FOXP2: variants seen among roughly 807,000 people sequenced by gnomAD.
FOXP2 encodes the protein forkhead box protein P2.
FOXP2 carries 12 observed loss-of-function variants against 115.8 expected under a neutral mutation model. The observed-to-expected ratio is 0.10, with a 90% CI of 0.07 to 0.17. The LOEUF (loss-of-function observed/expected upper bound fraction) is 0.17. Ranked by LOEUF, FOXP2 falls within the 10% of genes least tolerant of loss-of-function variation. The pLI is 1.00. For missense variants in FOXP2, 629 were observed against 843.5 expected, an observed-to-expected ratio of 0.75 and a Z score of 3.15; for synonymous variants, 328 against 297.7, an observed-to-expected ratio of 1.10 and a Z score of -1.05.
At chr7:114,388,459 T>C (rs1388232599) in intron 2 of FOXP2, among the ~76,000 whole-genome samples, 2 of 151,946 alleles carry the variant, frequency 1.3e-5, no homozygotes, top group Non-Finnish European at 2.9e-5. Context: ...AGAAAGTAGA[T>C]TGTTGAATTG....
intron 2 of FOXP2, among the ~76,000 whole-genome samples, chr7:114,435,438 A>G (rs1279244652): frequency 1.3e-5 from 2 of 152,208 alleles, no homozygotes; most frequent in Non-Finnish European, 2.9e-5. Context: ...GATGCACTTC[A>G]TACAAAGACT....
chr7:114,663,925 CTTTAT>C (rs928562033), intron 15 of FOXP2, among the ~76,000 whole-genome samples: 3 of 152,028 alleles, frequency 2.0e-5, no homozygotes, highest in African/African-American at 4.8e-5. Context: ...GTCAGGACTT[CTTTAT>C]TTTGAGTTAA....
intron 1 of FOXP2, among the ~76,000 whole-genome samples, chr7:114,110,265 T>A (rs1791235254): frequency 6.6e-6 from 1 of 152,208 alleles, no homozygotes; most frequent in African/African-American, 2.4e-5. Context: ...CCAAAATGCA[T>A]TCATTTTCAC....
chr7:114,618,259 A>T (rs900489004), intron 3 of FOXP2, among the ~76,000 whole-genome samples: 9 of 152,234 alleles, frequency 5.9e-5, no homozygotes, highest in Non-Finnish European at 1.3e-4. Context: ...TTATAAAACA[A>T]GTTGAAAGTA....
rs977819239 is a variant in FOXP2 at position 114,663,667 on chromosome 7, TG to T, written c.1839+150del. 7.3e-6 allele frequency: 5 copies of T among 681,700 alleles called. No individual in the cohort carries two copies. In the African/African-American group the frequency reaches 9.1e-5, roughly 12 times the overall value. The allele number at this position is 681,700 out of a possible 1,614,324, so 42.2% of individuals were successfully genotyped here. On this transcript the variant is annotated intron_variant, in intron 15 of 16. Transcript: ENST00000350908. ...TAGTACCTAGTACTATAGACAGCAC[TG>T]GTTCTAATTCAAGCTACTTTTGATG...
rs180704795 is a variant in FOXP2 at position 114,398,847 on chromosome 7, G to A, written c.-10-27655G>A. Among the ~76,000 whole-genome samples, 566 of 152,328 alleles carry A rather than the reference G, an allele frequency of 3.7e-3. 15 individuals carry two copies. Among genetic ancestry groups the A allele is most frequent in the Admixed American group, 0.035 (537 of 15,298 alleles). ...ATTCATTTTTAAAATTAAGATGAAAGTAGTAGCTATCTCTAAGCTGTTGTG... is the reference window on the plus strand; with the variant it reads ...ATTCATTTTTAAAATTAAGATGAAAATAGTAGCTATCTCTAAGCTGTTGTG... On this transcript the variant is annotated intron_variant, in intron 2 of 17. Transcript: ENST00000634411.
chr7:114,485,195 A>G (rs1796721074), intron 2 of FOXP2, among the ~76,000 whole-genome samples: 1 of 151,994 alleles, frequency 6.6e-6, no homozygotes, highest in Non-Finnish European at 1.5e-5. Context: ...AATTAATCTC[A>G]GGTTTTTCTG....
chr7:114,114,838 T>A (rs1355562895), intron 1 of FOXP2, among the ~76,000 whole-genome samples: 1 of 152,102 alleles, frequency 6.6e-6, no homozygotes, highest in African/African-American at 2.4e-5. Context: ...TTTTGACTTG[T>A]ATTAAATAAT....
chr7:114,672,428 T>C (rs780779733), intron 16 of FOXP2, among the ~76,000 whole-genome samples: 1 of 151,952 alleles, frequency 6.6e-6, no homozygotes, highest in African/African-American at 2.4e-5. Context: ...CTACTAAAAA[T>C]ACAAAAATTA....
At chr7:114,475,165 A>G (rs1796203424) in intron 2 of FOXP2, among the ~76,000 whole-genome samples, 1 of 152,120 alleles carries the variant, frequency 6.6e-6, no homozygotes, top group Non-Finnish European at 1.5e-5. Flanking sequence ...TTTATTTTCA[A>G]AACAAATTGA....
At chr7:114,117,063 T>C (rs1201336881) in intron 1 of FOXP2, among the ~76,000 whole-genome samples, 1 of 152,096 alleles carries the variant, frequency 6.6e-6, no homozygotes, top group Non-Finnish European at 1.5e-5. Flanking sequence ...GCTTGGCAGG[T>C]GAAAATAATT....
chr7:114,171,243 A>G (rs956241211), intron 1 of FOXP2, among the ~76,000 whole-genome samples: 1 of 152,190 alleles, frequency 6.6e-6, no homozygotes, highest in Non-Finnish European at 1.5e-5. Flanking sequence ...CCTCCTGCTC[A>G]GGAAAAAAGT....
chr7:114,310,594 T>C (rs1797125293), intron 2 of FOXP2, among the ~76,000 whole-genome samples: 1 of 152,056 alleles, frequency 6.6e-6, no homozygotes, highest in African/African-American at 2.4e-5. Context: ...CTGAGTACTC[T>C]GGCAGGCATC....
chr7:114,411,014 A>G (rs1382242122), upstream of FOXP2, among the ~76,000 whole-genome samples: 1 of 152,148 alleles, frequency 6.6e-6, no homozygotes, highest in African/African-American at 2.4e-5. Context: ...TTGCACTCTC[A>G]GCGAACTTAG....
At chr7:114,329,078 C>T (rs1406654173) in intron 2 of FOXP2, among the ~76,000 whole-genome samples, 4 of 152,062 alleles carry the variant, frequency 2.6e-5, no homozygotes, top group African/African-American at 7.2e-5. Context: ...TGAACAAAGA[C>T]GTTTATTTTT....
chr7:114,099,907 A>G lies in FOXP2; in HGVS notation c.-247+12069A>G, dbSNP rs147771797. On this transcript the variant is annotated intron_variant, in intron 1 of 19. Transcript: ENST00000635638. ...TGGGATTCATTTAACTGAAGATTTT[A>G]GCTGGTCCTGCCAGCAAATCAAAAT... is the stretch of plus-strand genomic sequence containing the variant. Among the ~76,000 whole-genome samples, 361 of 152,358 alleles carry G rather than the reference A, an allele frequency of 2.4e-3. 2 individuals carry two copies. Among genetic ancestry groups the G allele is most frequent in the African/African-American group, 8.3e-3 (345 of 41,582 alleles).
At position 114,690,126 on chromosome 7, in the gene FOXP2, CTTCT is replaced by C. The variant is rs1436119681; in HGVS notation, c.*203_*206del. ...AATTGCTTGTTTTCTTCTTCTTCTT[CTTCT>C]TTTTTTTTTTTTTTTTAGAAAAAAA... On this transcript the variant is annotated 3_prime_UTR_variant, in exon 17 of 17. Coordinates refer to ENST00000350908, the MANE Select transcript of FOXP2 (RefSeq NM_014491.4). 1.7e-4 allele frequency: 80 copies of C among 472,324 alleles called. No homozygotes were observed. Among genetic ancestry groups the C allele is most frequent in the East Asian group, 1.6e-3 (36 of 22,086 alleles). The allele number at this position is 472,324 out of a possible 1,614,324, so 29.3% of individuals were successfully genotyped here.
At chr7:114,476,634 A>AT (rs535008937) in intron 2 of FOXP2, among the ~76,000 whole-genome samples, 152 of 151,570 alleles carry the variant, frequency 1.0e-3, no homozygotes, top group African/African-American at 3.4e-3. Context: ...GAATTTTAGA[A>AT]TTTTTTTTCT....
At chr7:114,660,388 A>G (rs776768780) in intron 13 of FOXP2, among the ~76,000 whole-genome samples, 2 of 152,210 alleles carry the variant, frequency 1.3e-5, no homozygotes, top group African/African-American at 2.4e-5. Context: ...AGAAACATCA[A>G]TTAGCCACAA....
Sources: gnomAD v4.1 joint callset for allele counts (sites outside exome capture counted in the v4.1 genomes callset) on GRCh38, gnomAD v4.1.1 for gene constraint, MANE v1.5 for transcripts, NCBI Gene and HGNC (gene_info 2026-07-23, HGNC 2026-07-21) for gene names.